Variants in ENTPD1 observed in about 807,000 individuals in gnomAD.
ENTPD1 encodes ATP diphosphohydrolase.
In ENTPD1, 33 loss-of-function variants were observed where a neutral mutation model predicts 57.0. The observed-to-expected ratio is 0.58, with a 90% CI of 0.44 to 0.77. The LOEUF (loss-of-function observed/expected upper bound fraction) is 0.77. Ranked by LOEUF, ENTPD1 falls within the 30% of genes least tolerant of loss-of-function variation. ENTPD1 has a pLI of 0.00. For synonymous variants in ENTPD1, 202 were observed against 218.8 expected, an observed-to-expected ratio of 0.92 and a Z score of 0.68; for missense variants, 501 against 603.4, an observed-to-expected ratio of 0.83 and a Z score of 1.78.
Position 95,871,832 on chromosome 10 carries a change from GGTAA to G in ENTPD1, c.*5455_*5458del. The G allele has an allele frequency of 2.0e-6, 2 of 985,366 alleles. No homozygotes were observed. Among genetic ancestry groups the G allele is most frequent in the Non-Finnish European group, 2.4e-6 (2 of 829,918 alleles). 61.0% of individuals were successfully genotyped at this position (985,366 alleles called of 1,614,324 possible). ...CATCAGAGAACATGTATTAGTCAAT[GGTAA>G]GTAAGATACTCTCATCTAAGAAATA... On this transcript the variant is annotated 3_prime_UTR_variant, in exon 10 of 10. Transcript: ENST00000371205.
At chr10:95,714,054 T>C (rs2097968807) in intron 1 of ENTPD1, among the ~76,000 whole-genome samples, 1 of 152,220 alleles carries the variant, frequency 6.6e-6, no homozygotes, top group South Asian at 2.1e-4. Flanking sequence ...CTCACTCCTG[T>C]AATCCCAGCA....
rs554746183 is a variant in ENTPD1 at position 95,860,239 on chromosome 10, A to G, written c.1075-230A>G. Among the ~76,000 whole-genome samples, 10 of 152,070 alleles carry G rather than the reference A, an allele frequency of 6.6e-5. No individual in the cohort carries two copies. In the South Asian group the frequency reaches 2.1e-3, roughly 32 times the overall value. ...ATTTTTCTTTCTCCCTGACTCTTCT[A>G]TTACAATTATGGAGAAAAGTAACTG... On this transcript the variant is annotated intron_variant, in intron 7 of 9. Coordinates refer to ENST00000371205, the MANE Select transcript of ENTPD1 (RefSeq NM_001776.6).
chr10:95,854,286 T>C (rs2098450552), intron 7 of ENTPD1, among the ~76,000 whole-genome samples: 1 of 152,212 alleles, frequency 6.6e-6, no homozygotes, highest in Admixed American at 6.5e-5. Flanking sequence ...ATATCCCCTT[T>C]ACCATTTTTT....
intron 1 of ENTPD1, among the ~76,000 whole-genome samples, chr10:95,815,539 C>G (rs1454604046): frequency 6.6e-6 from 1 of 152,198 alleles, no homozygotes; most frequent in East Asian, 1.9e-4. Flanking sequence ...TACCACATAA[C>G]AGTACTGGTA....
chr10:95,857,474 G>A (rs900832252), intron 7 of ENTPD1, among the ~76,000 whole-genome samples: 2 of 152,024 alleles, frequency 1.3e-5, no homozygotes, highest in Non-Finnish European at 2.9e-5. Context: ...TTTATTACAT[G>A]CTCATTATAA....
upstream of ENTPD1, among the ~76,000 whole-genome samples, chr10:95,709,160 C>G (rs1280727734): frequency 6.6e-6 from 1 of 152,148 alleles, no homozygotes; most frequent in African/African-American, 2.4e-5. Flanking sequence ...AAAGGTAACA[C>G]TTCAAAAACT....
the ENTPD1 span, among the ~76,000 whole-genome samples, chr10:95,703,710 AG>A: frequency 6.8e-6 from 1 of 147,624 alleles, no homozygotes; most frequent in Non-Finnish European, 1.5e-5. Context: ...TGAACCCAGG[AG>A]GCAGAGATTG....
At chr10:95,752,379 G>A (rs1334784031), upstream of ENTPD1, among the ~76,000 whole-genome samples, 2 of 152,100 alleles carry the variant, frequency 1.3e-5, no homozygotes, top group East Asian at 3.9e-4. Flanking sequence ...ATATTGCTGG[G>A]CCCAGTGTCT....
intron 7 of ENTPD1, among the ~76,000 whole-genome samples, chr10:95,858,296 T>A (rs1265772433): frequency 6.6e-6 from 1 of 151,680 alleles, no homozygotes; most frequent in Admixed American, 6.6e-5. Context: ...AGTGTACAGG[T>A]TCTAGGGGAG....
At chr10:95,694,412 T>C in the ENTPD1 span, among the ~76,000 whole-genome samples, 1 of 108,936 alleles carries the variant, frequency 9.2e-6, no homozygotes, top group Non-Finnish European at 1.9e-5. Flanking sequence ...CCTCTAAATA[T>C]GGCTTTTTTA....
intron 1 of ENTPD1, among the ~76,000 whole-genome samples, chr10:95,816,541 T>C (rs2098330571): frequency 6.6e-6 from 1 of 151,976 alleles, no homozygotes; most frequent in Non-Finnish European, 1.5e-5. Flanking sequence ...GGTGTCCTTA[T>C]GAGAGAAAGG....
chr10:95,793,697 T>A (rs1473607176), intron 1 of ENTPD1, among the ~76,000 whole-genome samples: 1 of 152,020 alleles, frequency 6.6e-6, no homozygotes, highest in East Asian at 1.9e-4. Flanking sequence ...CTGATGCAGG[T>A]TTATGGTTAA....
rs150774973 is a variant in ENTPD1, at chr10:95,847,327, T to C, written c.814-119T>C. ...GGGTAAAAAGGCAGGGCAGGACATA[T>C]TGATTCCAATACCAAGTGGTGGGAT... is the stretch of plus-strand genomic sequence containing the variant. On this transcript the variant is annotated intron_variant, in intron 6 of 9. Transcript: ENST00000371205. 9.4e-5 allele frequency: 115 copies of C among 1,217,956 alleles called. 1 individual carries two copies. The East Asian group carries it at 2.4e-3, about 25-fold the overall frequency. 75.4% of individuals were successfully genotyped at this position (1,217,956 alleles called of 1,614,324 possible). A position where few individuals can be genotyped will look rare whatever the true frequency, so the allele number is the denominator to read the frequency against.
intron 1 of ENTPD1, among the ~76,000 whole-genome samples, chr10:95,718,378 G>A (rs1280594006): frequency 1.3e-5 from 2 of 151,872 alleles, no homozygotes; most frequent in Non-Finnish European, 2.9e-5. Context: ...AATGGAGGGG[G>A]TCCTGCCTTG....
At chr10:95,720,078 A>G (rs532220227) in intron 1 of ENTPD1, among the ~76,000 whole-genome samples, 1 of 152,126 alleles carries the variant, frequency 6.6e-6, no homozygotes, top group Non-Finnish European at 1.5e-5. Flanking sequence ...AAATTGGAGT[A>G]TTGCAGGGGC....
At chr10:95,770,476 G>A (rs1251750283) in intron 1 of ENTPD1, among the ~76,000 whole-genome samples, 1 of 152,146 alleles carries the variant, frequency 6.6e-6, no homozygotes, top group Non-Finnish European at 1.5e-5. Context: ...ACAGGTAGAG[G>A]AAGTCTTTTA....
rs34665855 is a variant in ENTPD1, at chr10:95,713,031, C to CT, written c.37+1040dup. ...ACTGGGCGACAGAGCGAGATTCTGT[C>CT]TTAAAAAAAAAAAAAAAAAAATAGG... On this transcript the variant is annotated intron_variant, in intron 1 of 9. Coordinates refer to the ENTPD1 transcript ENST00000453258. 7.1e-3 allele frequency among the ~76,000 whole-genome samples: 569 copies of CT among 80,018 alleles called. 9 individuals carry two copies. Among genetic ancestry groups the CT allele is most frequent in the East Asian group, 0.017 (73 of 4,378 alleles). The allele number at this position is 80,018 out of a possible 152,430, so 52.5% of individuals were successfully genotyped here.
Position 95,756,180 on chromosome 10 carries a change from C to G in ENTPD1, c.-60C>G. 6.4e-7 allele frequency: 1 copy of G among 1,570,712 alleles called. No homozygotes were observed. Among genetic ancestry groups the G allele is most frequent in the South Asian group, 1.2e-5 (1 of 85,774 alleles). The stretch of plus-strand genomic sequence containing the variant: ...CCTCTCTCACGGAGACGGACCACAG[C>G]AAGCAGAGGCTGGGGGGGGGAAAGA... On this transcript the variant is annotated 5_prime_UTR_variant, in exon 1 of 10. Coordinates refer to ENST00000371205, the MANE Select transcript of ENTPD1 (RefSeq NM_001776.6).
intron 8 of ENTPD1, among the ~76,000 whole-genome samples, chr10:95,863,050 T>C (rs2098467934): frequency 6.6e-6 from 1 of 152,090 alleles, no homozygotes; most frequent in Non-Finnish European, 1.5e-5. Flanking sequence ...GGAGAGCACA[T>C]AGTGATCCAC....
Sources: allele counts gnomAD v4.1 joint callset (sites outside exome capture counted in the v4.1 genomes callset), GRCh38; gene constraint gnomAD v4.1.1; transcripts MANE v1.5; gene names NCBI Gene and HGNC (gene_info 2026-07-23, HGNC 2026-07-21).